CDKL4: variants seen among roughly 807,000 people sequenced by gnomAD.
CDKL4 encodes the protein cyclin dependent kinase like 4.
In CDKL4, 44 loss-of-function variants were observed where a neutral mutation model predicts 42.0. The observed-to-expected ratio is 1.05, with a 90% CI of 0.82 to 1.35. CDKL4 has a LOEUF of 1.35. Among genes scored for constraint, CDKL4 ranks in the 40% most tolerant of loss-of-function variants. The pLI is 0.00. For synonymous variants in CDKL4, 120 were observed against 121.6 expected, an observed-to-expected ratio of 0.99 and a Z score of 0.09; for missense variants, 393 against 369.9, an observed-to-expected ratio of 1.06 and a Z score of -0.51.
At chr2:39,229,988 T>C (rs1024953914) in intron 1 of CDKL4, among the ~76,000 whole-genome samples, 5 of 152,214 alleles carry the variant, frequency 3.3e-5, no homozygotes, top group African/African-American at 1.2e-4. Flanking sequence ...ACACAATGAC[T>C]AGGAGGAGTT....
chr2:39,239,994 G>T (rs574289758), intron 1 of CDKL4, among the ~76,000 whole-genome samples: 1 of 152,208 alleles, frequency 6.6e-6, no homozygotes, highest in African/African-American at 2.4e-5. Flanking sequence ...GGAGGCTGAG[G>T]CAGGAGAATT....
At chr2:39,225,112 T>C (rs1246528849) in intron 3 of CDKL4, among the ~76,000 whole-genome samples, 1 of 152,154 alleles carries the variant, frequency 6.6e-6, no homozygotes, top group Admixed American at 6.6e-5. Flanking sequence ...TACCATTGAG[T>C]ATAACATTGG....
chr2:39,234,301 A>G (rs1463335746), intron 1 of CDKL4, among the ~76,000 whole-genome samples: 2 of 152,214 alleles, frequency 1.3e-5, no homozygotes, highest in African/African-American at 2.4e-5. Context: ...AGAAAAGAAT[A>G]ATCAGAAAAA....
chr2:39,246,111 A>C (rs538136023), upstream of CDKL4, among the ~76,000 whole-genome samples: 6 of 152,178 alleles, frequency 3.9e-5, no homozygotes, highest in Non-Finnish European at 8.8e-5. Flanking sequence ...GCTCCCCGTG[A>C]TCATGGCCAG....
At chr2:39,180,097 T>C (rs1675350323) in intron 8 of CDKL4, among the ~76,000 whole-genome samples, 1 of 152,092 alleles carries the variant, frequency 6.6e-6, no homozygotes, top group African/African-American at 2.4e-5. Flanking sequence ...TAAACACAGA[T>C]TATGATCCAT....
intron 5 of CDKL4, among the ~76,000 whole-genome samples, chr2:39,200,775 TG>T (rs1676796380): frequency 6.6e-6 from 1 of 152,202 alleles, no homozygotes; most frequent in Non-Finnish European, 1.5e-5. Context: ...CTGGTATAAT[TG>T]GCAAGCCACA....
At chr2:39,195,574 C>G (rs1489139924) in intron 5 of CDKL4, among the ~76,000 whole-genome samples, 1 of 151,110 alleles carries the variant, frequency 6.6e-6, no homozygotes, top group Non-Finnish European at 1.5e-5. Context: ...CCATAAGCAT[C>G]TTTCATGTGC....
chr2:39,214,215 G>A (rs1041911227), intron 3 of CDKL4, among the ~76,000 whole-genome samples: 1 of 152,080 alleles, frequency 6.6e-6, no homozygotes, highest in Non-Finnish European at 1.5e-5. Context: ...GAGACACTAT[G>A]CCCGGCCAGT....
intron 2 of CDKL4, among the ~76,000 whole-genome samples, chr2:39,228,761 C>A (rs562116125): frequency 1.9e-4 from 29 of 152,372 alleles, no homozygotes; most frequent in African/African-American, 7.0e-4. Context: ...AGAAGCATCT[C>A]TACGGTCGCT....
exon 2 of CDKL4, chr2:39,229,383 T>A: frequency 6.2e-7 from 1 of 1,601,922 alleles, no homozygotes; most frequent in Non-Finnish European, 8.5e-7. Flanking sequence ...TACGTATTTC[T>A]CTTAGTGCTA....
At chr2:39,184,500 T>A in intron 8 of CDKL4, 91 bp downstream of exon 8, 1 of 795,958 alleles carries the variant, frequency 1.3e-6, no homozygotes, top group South Asian at 1.6e-5. Flanking sequence ...TATTTTGGCA[T>A]TATTTAATCC....
chr2:39,218,829 A>G (rs72921019), intron 3 of CDKL4, among the ~76,000 whole-genome samples: 3,249 of 152,206 alleles, frequency 0.021, 107 homozygotes, highest in African/African-American at 0.074. Flanking sequence ...CTGGTTCTCT[A>G]GCTTGCAGAT....
intron 9 of CDKL4, chr2:39,178,441 A>C: frequency 1.2e-6 from 1 of 852,518 alleles, no homozygotes; most frequent in South Asian, 1.9e-5. Context: ...CTACTTATTT[A>C]TTTTAATAAT....
chr2:39,240,810 G>C (rs1679624030), intron 1 of CDKL4, among the ~76,000 whole-genome samples: 1 of 152,078 alleles, frequency 6.6e-6, no homozygotes, highest in African/African-American at 2.4e-5. Flanking sequence ...AAATGTGCAA[G>C]TGAGAAGGGC....
intron 5 of CDKL4, among the ~76,000 whole-genome samples, chr2:39,191,899 A>C (rs939445979): frequency 6.6e-6 from 1 of 152,208 alleles, no homozygotes; most frequent in African/African-American, 2.4e-5. Flanking sequence ...TGCAGAGATG[A>C]GGTAATGGGC....
intron 2 of CDKL4, among the ~76,000 whole-genome samples, chr2:39,226,436 TTATATATATTA>T (rs1005343807): frequency 4.4e-5 from 6 of 136,046 alleles, no homozygotes; most frequent in African/African-American, 1.5e-4. Flanking sequence ...TTTATATAAA[TTATATATATTA>T]TATATATATT....
At position 39,178,263 on chromosome 2, in the gene CDKL4, T is replaced by C. The variant is rs146630590; in HGVS notation, c.927+924A>G. 7.1e-3 allele frequency among the ~76,000 whole-genome samples: 1,083 copies of C among 152,256 alleles called. 6 individuals carry two copies. Among genetic ancestry groups the C allele is most frequent in the Non-Finnish European group, 9.8e-3 (670 of 68,022 alleles). ...AACTTCTATTTTAACTATTAAAAGG[T>C]TGGGAAAAGACAACACTTTCTTCCT... On this transcript the variant is annotated intron_variant, in intron 9 of 9. Coordinates refer to ENST00000451199, the Ensembl canonical transcript of CDKL4.
chr2:39,241,835 T>C (rs1047268276), intron 1 of CDKL4, among the ~76,000 whole-genome samples: 5 of 152,196 alleles, frequency 3.3e-5, no homozygotes, highest in Admixed American at 2.6e-4. Flanking sequence ...GTCTGGCACA[T>C]AGTGGACCTC....
chr2:39,231,705 G>T (rs191307546), intron 1 of CDKL4, among the ~76,000 whole-genome samples: 110 of 152,336 alleles, frequency 7.2e-4, no homozygotes, highest in Middle Eastern at 3.4e-3. Context: ...CATTTGCATA[G>T]TAATAGATGG....
Sources: allele counts gnomAD v4.1 joint callset (sites outside exome capture counted in the v4.1 genomes callset), GRCh38; gene constraint gnomAD v4.1.1; transcripts MANE v1.5; gene names NCBI Gene and HGNC (gene_info 2026-07-23, HGNC 2026-07-21).